The following CCDC18 variants were observed in gnomAD, a reference collection of about 807,000 sequenced individuals.
The protein encoded by CCDC18 is coiled-coil domain containing 18, also known as coiled-coil domain-containing protein 18.
CCDC18 carries 157 observed loss-of-function variants against 196.0 expected under a neutral mutation model. The ratio of observed to expected loss-of-function variants is 0.80; its 90% confidence interval spans 0.70 to 0.91. CCDC18 has a LOEUF of 0.91. Ranked by LOEUF, CCDC18 falls within the 40% of genes least tolerant of loss-of-function variation. CCDC18 has a pLI of 0.00. For missense variants in CCDC18, 1,465 were observed against 1,611.6 expected, an observed-to-expected ratio of 0.91 and a Z score of 1.56; for synonymous variants, 482 against 529.2, an observed-to-expected ratio of 0.91 and a Z score of 1.22.
At chr1:93,222,477 T>TG (rs1657600875) in intron 16 of CCDC18, among the ~76,000 whole-genome samples, 1 of 152,188 alleles carries the variant, frequency 6.6e-6, no homozygotes, top group Non-Finnish European at 1.5e-5. Context: ...GATTCAATTT[T>TG]GCTTGTTTTT....
chr1:93,186,561 AT>A, intron 4 of CCDC18, 58 bp downstream of exon 4: 4 of 1,412,980 alleles, frequency 2.8e-6, no homozygotes, highest in Non-Finnish European at 3.9e-6. Flanking sequence ...AAGATTTATA[AT>A]TGGAAAAATA....
At chr1:93,271,439 TTTAATATGCTTGCC>T in intron 28 of CCDC18, 4 of 985,430 alleles carry the variant, frequency 4.1e-6, no homozygotes, top group Non-Finnish European at 4.8e-6. Flanking sequence ...CTTTCAAGCC[TTTAATATGCTTGCC>T]TGTTTTGCTT....
chr1:93,226,363 T>G lies in CCDC18; in HGVS notation c.2206T>G (p.Cys736Gly), dbSNP rs1316945875. The G allele has an allele frequency of 6.3e-7, 1 of 1,590,950 alleles. No individual in the cohort carries two copies. Among genetic ancestry groups the G allele is most frequent in the Non-Finnish European group, 8.6e-7 (1 of 1,166,144 alleles). Residue 736 changes from cysteine to glycine, a missense_variant, in exon 17 of 29, where the codon TGT becomes GGT. Physicochemically the swap from Cys to Gly is radical, Grantham distance 159. Transcript: ENST00000690025. ...VRQLDSALEI[C>G]KEELVLHLNQ... Reference sequence around the variant, plus strand: ...GCAACTAGATTCAGCATTGGAAATTTGTAAGGAAGAACTTGTCTTGCATTT... The same window carrying G: ...GCAACTAGATTCAGCATTGGAAATTGGTAAGGAAGAACTTGTCTTGCATTT...
intron 28 of CCDC18, among the ~76,000 whole-genome samples, chr1:93,276,360 A>G (rs1317557021): frequency 1.3e-5 from 2 of 152,236 alleles, no homozygotes; most frequent in African/African-American, 4.8e-5. Flanking sequence ...TTAGAACACA[A>G]TATCAGCAAG....
intron 11 of CCDC18, 151 bp from the exon 12 acceptor site, chr1:93,214,592 G>A (rs1656186407): frequency 3.5e-6 from 2 of 566,466 alleles, no homozygotes; most frequent in Non-Finnish European, 6.3e-6. Context: ...CTTATTCTTT[G>A]ATTTCCTTAA....
chr1:93,229,413 T>A (rs1038097566), intron 17 of CCDC18, among the ~76,000 whole-genome samples: 2 of 152,244 alleles, frequency 1.3e-5, no homozygotes, highest in Non-Finnish European at 2.9e-5. Context: ...AATTAACACC[T>A]TGTAACAGCA....
At chr1:93,193,189 G>A (rs1440666966) in intron 5 of CCDC18, among the ~76,000 whole-genome samples, 1 of 152,064 alleles carries the variant, frequency 6.6e-6, no homozygotes, top group Non-Finnish European at 1.5e-5. Flanking sequence ...CTGAGTCAAA[G>A]AGTAGGAAAA....
At chr1:93,179,981 C>T (rs1239230694), upstream of CCDC18, 5 of 1,472,072 alleles carry the variant, frequency 3.4e-6, no homozygotes, top group South Asian at 6.4e-5. Flanking sequence ...CCAGAAGTTT[C>T]TAAACGGGTG....
At chr1:93,254,711 CTG>C (rs1300988875) in intron 24 of CCDC18, 97 bp downstream of exon 24, 7 of 1,143,382 alleles carry the variant, frequency 6.1e-6, no homozygotes, top group Non-Finnish European at 9.0e-6. Context: ...TATACAGAAA[CTG>C]TGCCATAACT....
chr1:93,215,867 G>A (rs970951684), intron 12 of CCDC18, among the ~76,000 whole-genome samples: 10 of 152,278 alleles, frequency 6.6e-5, no homozygotes, highest in Admixed American at 6.5e-4. Context: ...TCTGAAAAGG[G>A]GATAATGAGT....
At chr1:93,262,797 A>C (rs554817692) in intron 26 of CCDC18, among the ~76,000 whole-genome samples, 1 of 152,008 alleles carries the variant, frequency 6.6e-6, no homozygotes, top group Non-Finnish European at 1.5e-5. Flanking sequence ...GGGGGCTCCA[A>C]CCTCACATTT....
chr1:93,261,596 A>C (rs1663798614), intron 26 of CCDC18, among the ~76,000 whole-genome samples: 1 of 152,038 alleles, frequency 6.6e-6, no homozygotes, highest in African/African-American at 2.4e-5. Context: ...TAAGCAAGAC[A>C]TGGTCCCCAC....
intron 7 of CCDC18, among the ~76,000 whole-genome samples, chr1:93,202,627 AAGAAAGGT>A (rs1654020993): frequency 6.6e-6 from 1 of 152,182 alleles, no homozygotes; most frequent in African/African-American, 2.4e-5. Context: ...ATTCTGATCC[AAGAAAGGT>A]AGAAAGGCAG....
intron 2 of CCDC18, 131 bp from the exon 3 acceptor site, chr1:93,183,847 A>C (rs976356027): frequency 2.0e-6 from 1 of 499,848 alleles, no homozygotes; most frequent in Admixed American, 3.8e-5. Context: ...TAGTGGAAAC[A>C]TTGCCTTATG....
At chr1:93,184,712 C>T (rs1650327241) in intron 3 of CCDC18, among the ~76,000 whole-genome samples, 1 of 151,894 alleles carries the variant, frequency 6.6e-6, no homozygotes. Context: ...ATTCTTTGTT[C>T]CCCCGACTCC....
chr1:93,251,883 G>T (rs1276630685), intron 23 of CCDC18, among the ~76,000 whole-genome samples: 1 of 151,990 alleles, frequency 6.6e-6, no homozygotes, highest in African/African-American at 2.4e-5. Context: ...GTCTTTCTCA[G>T]TTCCCTTTTT....
chr1:93,263,045 G>C (rs1371640885), intron 26 of CCDC18, among the ~76,000 whole-genome samples: 1 of 152,008 alleles, frequency 6.6e-6, no homozygotes, highest in Non-Finnish European at 1.5e-5. Flanking sequence ...TTTAGCCATG[G>C]GTGGAGCTGA....
In CCDC18 at chr1:93,270,653, T is replaced by TA. The variant is rs992141566; in HGVS notation, c.4193dup (p.Tyr1398Ter). The stretch of plus-strand genomic sequence containing the variant: ...AGAAGAAAGCCATAAGAATCTGACT[T>TA]ACACCCAGCCAGACTCATTTAAACC... The part of the protein sequence containing the change: ...TLEESHKNLT[Y>*]TQPDSFKPLT... The change falls in exon 28 of 29, where the codon TAC (tyrosine) becomes TAAC (stop). Residue 1398 changes from tyrosine (Y) to a stop codon, truncating the protein, a stop_gained and frameshift_variant. Coordinates refer to ENST00000690025, the MANE Select transcript of CCDC18 (RefSeq NM_001378204.1). LOFTEE classifies it high-confidence loss of function. 4.5e-6 allele frequency: 7 copies of TA among 1,550,426 alleles called. No individual in the cohort carries two copies. Among genetic ancestry groups the TA allele is most frequent in the Middle Eastern group, 3.3e-4 (2 of 5,986 alleles).
intron 6 of CCDC18, among the ~76,000 whole-genome samples, chr1:93,198,082 T>C (rs1165847107): frequency 6.6e-6 from 1 of 152,128 alleles, no homozygotes; most frequent in African/African-American, 2.4e-5. Flanking sequence ...GAAGTGTAAA[T>C]TGGTAGAACC....
Sources: gnomAD v4.1 joint callset for allele counts (sites outside exome capture counted in the v4.1 genomes callset) on GRCh38, gnomAD v4.1.1 for gene constraint, MANE v1.5 for transcripts, NCBI Gene and HGNC (gene_info 2026-07-23, HGNC 2026-07-21) for gene names.